The following DUSP14 variants were observed in gnomAD, a reference collection of about 807,000 sequenced individuals.
DUSP14 encodes the protein dual specificity protein phosphatase 14.
A neutral mutation model predicts 13.2 loss-of-function variants in DUSP14; 5 were observed. The ratio of observed to expected loss-of-function variants is 0.38; its 90% confidence interval spans 0.20 to 0.80. The LOEUF (loss-of-function observed/expected upper bound fraction) is 0.80. DUSP14 is among the 30% of genes least tolerant of loss of function. The pLI, the probability that DUSP14 is intolerant of heterozygous loss-of-function variation, is 0.44. For synonymous variants in DUSP14, 91 were observed against 103.4 expected (o/e 0.88, Z 0.73); for missense variants, 185 against 264.0 (o/e 0.70, Z 2.07).
upstream of DUSP14, chr17:37,489,817 G>C (rs1383024958): frequency 6.8e-6 from 1 of 147,128 alleles, no homozygotes; most frequent in Admixed American, 6.7e-5. Flanking sequence ...GCGGCCAGGC[G>C]CAGGGAGCGT....
intron 1 of DUSP14, among the ~76,000 whole-genome samples, chr17:37,508,644 G>A (rs1318275401): frequency 1.3e-5 from 2 of 151,834 alleles, no homozygotes; most frequent in Non-Finnish European, 2.9e-5. Flanking sequence ...TGAGGCAGGA[G>A]AATCTCTTGA....
chr17:37,506,847 G>C lies in DUSP14; in HGVS notation c.-180-3830G>C, dbSNP rs547246270. ...GGATGTGGCAGTAGTTCCCTGTTCT[G>C]GCACTAGGGGAAACTGGAGCAGCTC... On this transcript the variant is annotated intron_variant, in intron 1 of 2. Transcript: ENST00000617516. 2.5e-4 allele frequency among the ~76,000 whole-genome samples: 38 copies of C among 152,264 alleles called. No homozygotes were observed. The South Asian group carries it at 7.5e-3, about 30-fold the overall frequency.
rs1344004057 is a variant in DUSP14 at position 37,512,840 on chromosome 17, C to T, written c.568C>T (p.Arg190Ter). 4 of 1,607,196 alleles carry T rather than the reference C, an allele frequency of 2.5e-6. No individual in the cohort carries two copies. Among genetic ancestry groups the T allele is most frequent in the Non-Finnish European group, 3.4e-6 (4 of 1,174,756 alleles). ...TCCCGACGTCTATGAGAAGGAGTCCCGACACCTGATGCCTTACTGGGGGAT... is the reference window on the plus strand; with the variant it reads ...TCCCGACGTCTATGAGAAGGAGTCCTGACACCTGATGCCTTACTGGGGGAT... Reference protein sequence around the residue: ...IVPDVYEKESRHLMPYWGI With the variant: ...IVPDVYEKES Residue 190 changes from arginine to a stop codon, truncating the protein, a stop_gained, in exon 3 of 3, where the codon CGA (arginine) becomes TGA (stop). Coordinates refer to ENST00000617516, the MANE Select transcript of DUSP14 (RefSeq NM_007026.4). LOFTEE classifies it high-confidence loss of function. The surrounding 1 kb of genome is among the most constrained non-coding windows in gnomAD (Gnocchi z 4.8).
chr17:37,511,119 A>G (rs770784788), intron 2 of DUSP14, among the ~76,000 whole-genome samples: 2 of 152,158 alleles, frequency 1.3e-5, no homozygotes, highest in East Asian at 3.8e-4. Context: ...GCTCAGAATT[A>G]AGGTGAAGTT....
At chr17:37,502,534 G>C (rs2054112166) in intron 1 of DUSP14, among the ~76,000 whole-genome samples, 1 of 152,064 alleles carries the variant, frequency 6.6e-6, no homozygotes, top group Non-Finnish European at 1.5e-5. Context: ...TCAGGAATTT[G>C]GACCTCACTA....
intron 1 of DUSP14, among the ~76,000 whole-genome samples, chr17:37,503,199 TAG>T (rs1183990910): frequency 1.3e-5 from 2 of 152,040 alleles, no homozygotes; most frequent in Non-Finnish European, 2.9e-5. Flanking sequence ...CCGAGGTAGG[TAG>T]ATTGCTTGAG....
chr17:37,493,493 T>G (rs1195795415), intron 1 of DUSP14, among the ~76,000 whole-genome samples: 4 of 152,188 alleles, frequency 2.6e-5, no homozygotes, highest in African/African-American at 4.8e-5. Context: ...TTAACCACAA[T>G]TATGCTTGAA....
chr17:37,498,520 G>T (rs1284645425), intron 1 of DUSP14, among the ~76,000 whole-genome samples: 3 of 151,686 alleles, frequency 2.0e-5, no homozygotes, highest in South Asian at 2.1e-4. Flanking sequence ...TAGAGACGGG[G>T]TTTCACCGTG....
At chr17:37,508,560 T>G (rs997634017) in intron 1 of DUSP14, among the ~76,000 whole-genome samples, 1 of 151,906 alleles carries the variant, frequency 6.6e-6, no homozygotes, top group Non-Finnish European at 1.5e-5. Context: ...GTGGCAAAAC[T>G]CCGTCTCTAC....
intron 1 of DUSP14, among the ~76,000 whole-genome samples, chr17:37,505,862 C>G (rs2054134574): frequency 6.6e-6 from 1 of 152,070 alleles, no homozygotes; most frequent in South Asian, 2.1e-4. Context: ...GTATGCATTA[C>G]TGAGATTAGA....
At chr17:37,495,912 A>G (rs2143058394) in intron 1 of DUSP14, among the ~76,000 whole-genome samples, 1 of 151,782 alleles carries the variant, frequency 6.6e-6, no homozygotes, top group Non-Finnish European at 1.5e-5. Context: ...CCTGCCTCGG[A>G]CCCCCAAAGT....
In DUSP14 at chr17:37,513,057, G is replaced by C. The variant is rs2054205771; in HGVS notation, c.*188G>C. Reference sequence around the variant, plus strand: ...CATAAAGGGAATGCATACATTGCTAGTCACATTTTTAAAATTAACATTTTG... The same window carrying C: ...CATAAAGGGAATGCATACATTGCTACTCACATTTTTAAAATTAACATTTTG... On this transcript the variant is annotated 3_prime_UTR_variant, in exon 3 of 3. Coordinates refer to ENST00000617516, the MANE Select transcript of DUSP14 (RefSeq NM_007026.4). The C allele has an allele frequency of 5.4e-6, 3 of 560,322 alleles. No individual in the cohort carries two copies. Among genetic ancestry groups the C allele is most frequent in the Admixed American group, 6.7e-5 (2 of 29,782 alleles). 34.7% of individuals were successfully genotyped at this position (560,322 alleles called of 1,614,324 possible).
chr17:37,510,630 T>C (rs2054177155), intron 1 of DUSP14, 47 bp from the exon 2 acceptor site: 1 of 152,254 alleles, frequency 6.6e-6, no homozygotes, highest in African/African-American at 2.4e-5. Flanking sequence ...AGGAATTCTT[T>C]GGAACTTCCT....
intron 1 of DUSP14, among the ~76,000 whole-genome samples, chr17:37,500,815 A>T (rs1041321910): frequency 6.6e-6 from 1 of 152,176 alleles, no homozygotes; most frequent in Non-Finnish European, 1.5e-5. Flanking sequence ...CCCGAAGACC[A>T]TCTTGTACCA....
chr17:37,505,458 G>C (rs2054131805), intron 1 of DUSP14, among the ~76,000 whole-genome samples: 1 of 152,044 alleles, frequency 6.6e-6, no homozygotes, highest in African/African-American at 2.4e-5. Context: ...TAACAGTGTA[G>C]GCCTCTCCAG....
At chr17:37,507,131 A>G (rs553884907) in intron 1 of DUSP14, among the ~76,000 whole-genome samples, 9 of 152,170 alleles carry the variant, frequency 5.9e-5, no homozygotes, top group Non-Finnish European at 1.3e-4. Flanking sequence ...GTATTTTCCA[A>G]TCTGTCAAGG....
intron 1 of DUSP14, among the ~76,000 whole-genome samples, chr17:37,509,282 TATATATATATATATA>T (rs1320724179): frequency 0.1 from 3,262 of 32,464 alleles, 149 homozygotes; most frequent in Non-Finnish European, 0.12. Flanking sequence ...TATATATATA[TATATATATATATATA>T]GTGTGTGTGT....
chr17:37,504,900 T>C (rs1387000041), intron 1 of DUSP14, among the ~76,000 whole-genome samples: 1 of 151,952 alleles, frequency 6.6e-6, no homozygotes, highest in Non-Finnish European at 1.5e-5. Context: ...CTTTTTTGTT[T>C]TTATATTTTG....
chr17:37,511,926 C>CAA, intron 2 of DUSP14, among the ~76,000 whole-genome samples: 1 of 55,454 alleles, frequency 1.8e-5, no homozygotes. Flanking sequence ...CAGCCACCCC[C>CAA]CCCCCACCCC....
Sources: allele counts gnomAD v4.1 joint callset (sites outside exome capture counted in the v4.1 genomes callset), GRCh38; gene constraint gnomAD v4.1.1; non-coding constraint Gnocchi (gnomAD v3.1); transcripts MANE v1.5; gene names NCBI Gene and HGNC (gene_info 2026-07-23, HGNC 2026-07-21).